TAF11: variants seen among roughly 807,000 people sequenced by gnomAD.
The protein encoded by TAF11 is transcription initiation factor TFIID subunit 11.
In TAF11, 10 loss-of-function variants were observed where a neutral mutation model predicts 23.0. The observed-to-expected ratio is 0.43, with a 90% confidence interval of 0.27 to 0.74. The LOEUF is 0.74. Among genes scored for constraint, TAF11 ranks in the 30% least tolerant of loss-of-function variants. TAF11 has a pLI of 0.19. For missense variants in TAF11, 196 were observed against 261.7 expected, an observed-to-expected ratio of 0.75 and a Z score of 1.73; for synonymous variants, 85 against 95.8, an observed-to-expected ratio of 0.89 and a Z score of 0.66.
At chr6:34,883,253 G>A in intron 1 of TAF11, 173 bp from the exon 2 acceptor site, 1 of 580,028 alleles carries the variant, frequency 1.7e-6, no homozygotes, top group Non-Finnish European at 2.8e-6. Context: ...CCTAAGGGAA[G>A]ATTATGGCTC....
Position 34,880,127 on chromosome 6 carries a change from C to A in TAF11, c.409-64G>T. On this transcript the variant is annotated intron_variant, in intron 3 of 4. Coordinates refer to ENST00000361288, the MANE Select transcript of TAF11 (RefSeq NM_005643.4). This position sits in a 1 kb window ranked among gnomAD's most constrained non-coding sequence, Gnocchi z 4.8. ...AAAGACTGGCTTTGGAACACAGTACCAAGTAATTCACAGAAAAAGGTAAGA... is the reference window on the plus strand; with the variant it reads ...AAAGACTGGCTTTGGAACACAGTACAAAGTAATTCACAGAAAAAGGTAAGA... The A allele has an allele frequency of 6.4e-7, 1 of 1,555,938 alleles. No homozygotes were observed. Among genetic ancestry groups the A allele is most frequent in the South Asian group, 1.1e-5 (1 of 88,792 alleles).
In TAF11 at chr6:34,882,975, C is replaced by G. The variant is rs774228763; in HGVS notation, c.277G>C (p.Glu93Gln). 8 of 1,609,400 alleles carry G rather than the reference C, an allele frequency of 5.0e-6. No homozygotes were observed. Among genetic ancestry groups the G allele is most frequent in the East Asian group, 2.2e-5 (1 of 44,726 alleles). The change falls in exon 2 of 5, where the codon GAG (glutamate) becomes CAG (glutamine). Residue 93 changes from glutamate (E) to glutamine (Q), a missense_variant. Glu to Gln is a conservative substitution (Grantham distance 29). Transcript: ENST00000361288. ...KLKIDTKEKK[E>Q]KKQKVDEDEI... Reference sequence around the variant, plus strand: ...TCTTCATCTACTTTCTGCTTTTTCTCTTTCTTTTCTTTGGTATCTATTTTC... The same window carrying G: ...TCTTCATCTACTTTCTGCTTTTTCTGTTTCTTTTCTTTGGTATCTATTTTC...
In TAF11 at chr6:34,887,920, C is replaced by T; in HGVS notation, c.38G>A (p.Gly13Glu). 1.2e-6 allele frequency: 2 copies of T among 1,614,226 alleles called. No individual in the cohort carries two copies. The highest frequency in any genetic ancestry group is 1.7e-6 in the Non-Finnish European group (2 of 1,180,046). The change falls in exon 1 of 5, where the codon GGA becomes GAA. Residue 13 changes from glycine to glutamate, a missense_variant. Coordinates refer to ENST00000361288, the MANE Select transcript of TAF11 (RefSeq NM_005643.4). ...DAHESPSDKG[G>E]ETGESDETAA... ...CGTCTCATCCGACTCCCCTGTCTCTCCACCTTTGTCGGAGGGCGACTCGTG... is the reference window on the plus strand; with the variant it reads ...CGTCTCATCCGACTCCCCTGTCTCTTCACCTTTGTCGGAGGGCGACTCGTG...
rs1766404825 is a variant in TAF11, at chr6:34,880,493, T to C, written c.321-117A>G. 7.2e-6 allele frequency: 6 copies of C among 837,172 alleles called. No individual in the cohort carries two copies. Among genetic ancestry groups the C allele is most frequent in the Middle Eastern group, 3.5e-4 (1 of 2,892 alleles). 51.9% of individuals were successfully genotyped at this position (837,172 alleles called of 1,614,324 possible). ...GAATTCTTAAAGGGGTCAATGGCAT[T>C]AGGCTTGGTGCCTTGAGGAATGAAG... On this transcript the variant is annotated intron_variant, in intron 2 of 4. Transcript: ENST00000361288. The surrounding 1 kb of genome is among the most constrained non-coding windows in gnomAD (Gnocchi z 4.8).
intron 1 of TAF11, among the ~76,000 whole-genome samples, chr6:34,885,620 GAGCCCTCTGTGTACTA>G (rs1489996123): frequency 3.9e-5 from 6 of 152,142 alleles, no homozygotes; most frequent in South Asian, 2.1e-4. Context: ...GATATGTAGT[GAGCCCTCTGTGTACTA>G]AGCTAATTAT....
At chr6:34,882,846 GA>G (rs1173141837) in intron 2 of TAF11, 85 bp downstream of exon 2, 1 of 1,451,938 alleles carries the variant, frequency 6.9e-7, no homozygotes, top group East Asian at 2.4e-5. Context: ...GTTTATAAAA[GA>G]AAATTTAAAC....
At chr6:34,881,713 T>C (rs1766428721) in intron 2 of TAF11, among the ~76,000 whole-genome samples, 2 of 152,176 alleles carry the variant, frequency 1.3e-5, no homozygotes, top group South Asian at 4.1e-4. Flanking sequence ...TTTATTTTTT[T>C]TGAGACAGCA....
intron 1 of TAF11, 68 bp downstream of exon 1, chr6:34,887,719 G>A (rs1205001798): frequency 6.3e-7 from 1 of 1,593,852 alleles, no homozygotes; most frequent in Non-Finnish European, 8.6e-7. Context: ...CTAACCAGAA[G>A]CCCGGCGAGC....
At chr6:34,887,723 G>T in intron 1 of TAF11, 64 bp downstream of exon 1, 1 of 1,601,624 alleles carries the variant, frequency 6.2e-7, no homozygotes, top group South Asian at 1.1e-5. Flanking sequence ...CCAGAAGCCC[G>T]GCGAGCAGCC....
In TAF11 at chr6:34,880,828, A is replaced by G. The variant is rs188402874; in HGVS notation, c.321-452T>C. ...TCAAATGAATAAAGGGGCCATGTCA[A>G]TTTTTGAAAATGAACAAAGTACATG... On this transcript the variant is annotated intron_variant, in intron 2 of 4. Transcript: ENST00000361288. The surrounding 1 kb of genome is among the most constrained non-coding windows in gnomAD (Gnocchi z 4.8). Among the ~76,000 whole-genome samples the G allele has an allele frequency of 1.7e-4, 26 of 152,388 alleles. No individual in the cohort carries two copies. In the East Asian group the frequency reaches 4.0e-3, roughly 24 times the overall value.
At chr6:34,883,577 C>T (rs1165207820) in intron 1 of TAF11, among the ~76,000 whole-genome samples, 1 of 152,168 alleles carries the variant, frequency 6.6e-6, no homozygotes, top group African/African-American at 2.4e-5. Flanking sequence ...GCTTCTCACA[C>T]GTAGTGCTCT....
At position 34,879,989 on chromosome 6, in the gene TAF11, G is replaced by T. The variant is rs752599855; in HGVS notation, c.483C>A (p.Phe161Leu). The T allele has an allele frequency of 6.2e-7, 1 of 1,613,962 alleles. No homozygotes were observed. Among genetic ancestry groups the T allele is most frequent in the East Asian group, 2.2e-5 (1 of 44,874 alleles). ...CACCTTCTTCTACCACCTCCCCGAC[G>T]AAAACCTTGGAAATACCAGACATAG... ...VIAMSGISKV[F>L]VGEVVEEALD... The change falls in exon 4 of 5, where the codon TTC (phenylalanine) becomes TTA (leucine). Residue 161 changes from phenylalanine to leucine, a missense_variant. By Grantham distance (22) the Phe-to-Leu change is conservative. Transcript: ENST00000361288.
chr6:34,887,282 G>A (rs1164036560), intron 1 of TAF11, among the ~76,000 whole-genome samples: 1 of 152,034 alleles, frequency 6.6e-6, no homozygotes. Context: ...CAGCCCGGGC[G>A]ACTCTCAGGT....
rs1182675984 is a variant in TAF11 at position 34,878,381 on chromosome 6, C to T, written c.*209G>A. 1.8e-6 allele frequency: 1 copy of T among 541,768 alleles called. No homozygotes were observed. Among genetic ancestry groups the T allele is most frequent in the Non-Finnish European group, 3.3e-6 (1 of 302,984 alleles). The allele number at this position is 541,768 out of a possible 1,614,324, so 33.6% of individuals were successfully genotyped here. The stretch of plus-strand genomic sequence containing the variant: ...GACAGTTAAATACTTCAAAATGCCC[C>T]AAGAGGTCCCAAAATTTAGTCAAGG... On this transcript the variant is annotated 3_prime_UTR_variant, in exon 5 of 5. Transcript: ENST00000361288.
chr6:34,882,267 G>A (rs1766446310), intron 2 of TAF11, among the ~76,000 whole-genome samples: 1 of 149,988 alleles, frequency 6.7e-6, no homozygotes, highest in South Asian at 2.1e-4. Context: ...GAAACCAGAA[G>A]GCGGAGGTTG....
rs1024466754 is a variant in TAF11, at chr6:34,879,451, G to A, written c.505+516C>T. 4.2e-6 allele frequency: 4 copies of A among 962,264 alleles called. No individual in the cohort carries two copies. The African/African-American group carries it at 5.3e-5, about 13-fold the overall frequency. 59.6% of individuals were successfully genotyped at this position (962,264 alleles called of 1,614,324 possible). ...ATCATGCCACTGCACTCCAGCCTGG[G>A]TGACAGAGTGAGACCCTGTCTCAAA... On this transcript the variant is annotated intron_variant, in intron 4 of 4. Transcript: ENST00000361288.
At position 34,879,985 on chromosome 6, in the gene TAF11, C is replaced by T. The variant is rs754844977; in HGVS notation, c.487G>A (p.Gly163Arg). Reference protein sequence around the residue: ...AMSGISKVFVGEVVEEALDVC... With the variant: ...AMSGISKVFVREVVEEALDVC... ...TACTCACCTTCTTCTACCACCTCCC[C>T]GACGAAAACCTTGGAAATACCAGAC... Residue 163 changes from glycine (G) to arginine (R), a missense_variant, in exon 4 of 5, where the codon GGG becomes AGG. Physicochemically the swap from Gly to Arg is moderately radical, Grantham distance 125. Coordinates refer to ENST00000361288, the MANE Select transcript of TAF11 (RefSeq NM_005643.4). 8.1e-6 allele frequency: 13 copies of T among 1,613,966 alleles called. No individual in the cohort carries two copies. The highest frequency in any genetic ancestry group is 7.7e-5 in the South Asian group (7 of 91,040).
At chr6:34,885,105 C>T (rs1169025336) in intron 1 of TAF11, among the ~76,000 whole-genome samples, 1 of 150,452 alleles carries the variant, frequency 6.6e-6, no homozygotes, top group African/African-American at 2.5e-5. Context: ...TGTTCTTTAT[C>T]TTTTTTTTCT....
rs4646938 is a variant in TAF11 at position 34,880,487 on chromosome 6, T to G, written c.321-111A>C. On this transcript the variant is annotated intron_variant, in intron 2 of 4. Coordinates refer to ENST00000361288, the MANE Select transcript of TAF11 (RefSeq NM_005643.4). The surrounding 1 kb of genome is among the most constrained non-coding windows in gnomAD (Gnocchi z 4.8). ...AAAAACGAATTCTTAAAGGGGTCAA[T>G]GGCATTAGGCTTGGTGCCTTGAGGA... The G allele has an allele frequency of 0.022, 20,383 of 919,980 alleles. 289 individuals carry two copies. Among genetic ancestry groups the G allele is most frequent in the Non-Finnish European group, 0.029 (17,444 of 598,708 alleles). 57.0% of individuals were successfully genotyped at this position (919,980 alleles called of 1,614,324 possible).
Sources: allele counts gnomAD v4.1 joint callset (sites outside exome capture counted in the v4.1 genomes callset), GRCh38; gene constraint gnomAD v4.1.1; non-coding constraint Gnocchi (gnomAD v3.1); transcripts MANE v1.5; gene names NCBI Gene and HGNC (gene_info 2026-07-23, HGNC 2026-07-21).